KIFC3: variants seen among roughly 807,000 people sequenced by gnomAD.
KIFC3 encodes the protein kinesin family member C3, also known as kinesin-like protein KIFC3.
Under a neutral mutation model 101.8 loss-of-function variants are expected in KIFC3, and 60 were observed. That is an observed-to-expected ratio of 0.59 (90% CI 0.48 to 0.73). The LOEUF (loss-of-function observed/expected upper bound fraction) is 0.73. KIFC3 is among the 30% of genes least tolerant of loss of function. KIFC3 has a pLI of 0.00. For missense variants in KIFC3, 966 were observed against 1,137.1 expected (o/e 0.85, Z 2.16); for synonymous variants, 476 against 482.7 (o/e 0.99, Z 0.18).
intron 1 of KIFC3, among the ~76,000 whole-genome samples, chr16:57,854,219 G>T (rs1376742734): frequency 2.0e-5 from 3 of 152,148 alleles, no homozygotes; most frequent in Admixed American, 6.6e-5. Context: ...TGGGATTACA[G>T]GTGTGAGCCA....
intron 1 of KIFC3, among the ~76,000 whole-genome samples, chr16:57,854,641 A>AG (rs1290540961): frequency 2.1e-4 from 32 of 151,316 alleles, no homozygotes; most frequent in African/African-American, 6.5e-4. Context: ...AAAAAAAAAA[A>AG]AAAGAAAGAA....
chr16:57,794,980 G>A lies in KIFC3; in HGVS notation c.315+19C>T. 2.0e-6 allele frequency: 3 copies of A among 1,534,210 alleles called. No individual in the cohort carries two copies. Among genetic ancestry groups the A allele is most frequent in the African/African-American group, 1.4e-5 (1 of 69,722 alleles). On this transcript the variant is annotated intron_variant, in intron 3 of 19. Coordinates refer to ENST00000445690, the MANE Select transcript of KIFC3 (RefSeq NM_001130100.2). ...CAGAGAGCCAAGGCACATGCAGCCTGGAAGGCCCCAGTGCTTACCTGCAGG... is the reference window on the plus strand; with the variant it reads ...CAGAGAGCCAAGGCACATGCAGCCTAGAAGGCCCCAGTGCTTACCTGCAGG...
At chr16:57,776,577 G>A (rs376144028) in intron 3 of KIFC3, 177 of 222,426 alleles carry the variant, frequency 8.0e-4, no homozygotes, top group Non-Finnish European at 1.1e-3. Flanking sequence ...AAGCTGTCTC[G>A]AGGATTAAAC....
intron 1 of KIFC3, among the ~76,000 whole-genome samples, chr16:57,851,840 C>T (rs1248086438): frequency 2.7e-5 from 4 of 146,092 alleles, no homozygotes; most frequent in South Asian, 2.2e-4. Flanking sequence ...CCCAGGTTCA[C>T]GCGATTCTCC....
At chr16:57,814,687 G>A (rs1555628407) in intron 1 of KIFC3, among the ~76,000 whole-genome samples, 1 of 151,610 alleles carries the variant, frequency 6.6e-6, no homozygotes, top group Non-Finnish European at 1.5e-5. Flanking sequence ...GTGCAGTGGT[G>A]CGATCTCAGC....
rs558829716 is a variant in KIFC3, at chr16:57,785,146, T to C, written c.315+9853A>G. 3.3e-5 allele frequency among the ~76,000 whole-genome samples: 5 copies of C among 152,292 alleles called. No individual in the cohort carries two copies. The South Asian group carries it at 1.0e-3, about 32-fold the overall frequency. Reference sequence around the variant, plus strand: ...TCAGGGTGGGAAGCACCCCGCACCTTCCTGCTCCACTCACATCTACGTCAC... The same window carrying C: ...TCAGGGTGGGAAGCACCCCGCACCTCCCTGCTCCACTCACATCTACGTCAC... On this transcript the variant is annotated intron_variant, in intron 3 of 19. Coordinates refer to ENST00000445690, the MANE Select transcript of KIFC3 (RefSeq NM_001130100.2).
chr16:57,801,830 G>C (rs1555625606), intron 1 of KIFC3, among the ~76,000 whole-genome samples: 2 of 152,258 alleles, frequency 1.3e-5, no homozygotes, highest in African/African-American at 4.8e-5. Flanking sequence ...TCCCTGCTGA[G>C]ACCCTCACAA....
In KIFC3 at chr16:57,778,915, T is replaced by G. The variant is rs139851190; in HGVS notation, c.316-6627A>C. ...GCGAGACCTCATCTCTACAAATAAA[T>G]AAAGAAAATGAAAAACAAGTGCTGA... On this transcript the variant is annotated intron_variant, in intron 3 of 19. Transcript: ENST00000445690. 4.1e-4 allele frequency among the ~76,000 whole-genome samples: 63 copies of G among 151,908 alleles called. 1 individual carries two copies. Among genetic ancestry groups the G allele is most frequent in the Non-Finnish European group, 7.2e-4 (49 of 67,962 alleles).
intron 1 of KIFC3, among the ~76,000 whole-genome samples, chr16:57,801,780 T>C (rs1170479429): frequency 6.6e-6 from 1 of 152,240 alleles, no homozygotes; most frequent in Non-Finnish European, 1.5e-5. Context: ...CTGCTCTAAC[T>C]AGCAATGCTG....
chr16:57,772,155 C>G (rs1242897051), intron 4 of KIFC3, 68 bp downstream of exon 4: 6 of 1,394,620 alleles, frequency 4.3e-6, no homozygotes, highest in Non-Finnish European at 6.0e-6. Context: ...ACCCCTGCCC[C>G]TGGCAGGGCC....
rs181564429 is a variant in KIFC3 at position 57,783,323 on chromosome 16, T to C, written c.316-11035A>G. 3.3e-5 allele frequency among the ~76,000 whole-genome samples: 5 copies of C among 152,244 alleles called. No individual in the cohort carries two copies. The East Asian group carries it at 7.7e-4, about 23-fold the overall frequency. ...TGGGGAGTGACCATCAATAGGCCTG[T>C]TGGAGTGATGAAGACGTTTGGCAAT... On this transcript the variant is annotated intron_variant, in intron 3 of 19. Coordinates refer to ENST00000445690, the MANE Select transcript of KIFC3 (RefSeq NM_001130100.2).
chr16:57,821,657 C>G (rs1477436653), intron 1 of KIFC3, among the ~76,000 whole-genome samples: 2 of 152,148 alleles, frequency 1.3e-5, no homozygotes, highest in Non-Finnish European at 2.9e-5. Flanking sequence ...CTTATCTCTA[C>G]TGGTACATAT....
At chr16:57,773,623 C>A (rs899486149) in intron 3 of KIFC3, among the ~76,000 whole-genome samples, 3 of 152,022 alleles carry the variant, frequency 2.0e-5, no homozygotes, top group African/African-American at 7.3e-5. Context: ...TCACTGTACC[C>A]CAGGGTGACA....
intron 1 of KIFC3, among the ~76,000 whole-genome samples, chr16:57,847,809 C>T (rs1379857543): frequency 1.8e-5 from 2 of 112,844 alleles, no homozygotes; most frequent in African/African-American, 3.3e-5. Context: ...TGTGTGAGAC[C>T]GAGTCTCACT....
chr16:57,852,784 A>C (rs1347126937), intron 1 of KIFC3, among the ~76,000 whole-genome samples: 1 of 152,168 alleles, frequency 6.6e-6, no homozygotes, highest in Non-Finnish European at 1.5e-5. Flanking sequence ...AAACTAGGGG[A>C]GACTAAAGGA....
chr16:57,821,678 G>A (rs2055352902), intron 1 of KIFC3, among the ~76,000 whole-genome samples: 1 of 152,154 alleles, frequency 6.6e-6, no homozygotes. Context: ...TCGGGGAGGG[G>A]TGCTATTATA....
At position 57,769,476 on chromosome 16, in the gene KIFC3, G is replaced by T; in HGVS notation, c.1218+119C>A. 7.8e-7 allele frequency: 1 copy of T among 1,280,278 alleles called. No individual in the cohort carries two copies. The highest frequency in any genetic ancestry group is 1.1e-6 in the Non-Finnish European group (1 of 934,366). 79.3% of individuals were successfully genotyped at this position (1,280,278 alleles called of 1,614,324 possible). On this transcript the variant is annotated intron_variant, in intron 9 of 19. Transcript: ENST00000445690. The surrounding 1 kb of genome is among the most constrained non-coding windows in gnomAD (Gnocchi z 4.3). The stretch of plus-strand genomic sequence containing the variant: ...AGCAGTAAGTGTCATGGGGGGTGGG[G>T]CAGGGGCTGCTGTCTGAGCGGCTTT...
intron 3 of KIFC3, among the ~76,000 whole-genome samples, chr16:57,786,936 G>T (rs2053390770): frequency 6.6e-6 from 1 of 152,200 alleles, no homozygotes; most frequent in South Asian, 2.1e-4. Context: ...GGAGGGGCAC[G>T]CACAGGTCGG....
Position 57,771,235 on chromosome 16 carries a change from G to A in KIFC3, c.728C>T (p.Thr243Ile), listed in dbSNP as rs782202149. 8.1e-6 allele frequency: 13 copies of A among 1,613,048 alleles called. No individual in the cohort carries two copies. Among genetic ancestry groups the A allele is most frequent in the Middle Eastern group, 1.7e-4 (1 of 5,874 alleles). The stretch of plus-strand genomic sequence containing the variant: ...GGACTGGGCCCGCAGGCTGGCAATG[G>A]TCTCGTGGCTGTCACGCAGGCGCCG... ...LSRRLRDSHE[T>I]IASLRAQSPP... The change falls in exon 6 of 20, where the codon ACC becomes ATC. Residue 243 changes from threonine to isoleucine, a missense_variant. Transcript: ENST00000445690.
Sources: gnomAD v4.1 joint callset for allele counts (sites outside exome capture counted in the v4.1 genomes callset) on GRCh38, gnomAD v4.1.1 for gene constraint, Gnocchi (gnomAD v3.1) non-coding constraint, MANE v1.5 for transcripts, NCBI Gene and HGNC (gene_info 2026-07-23, HGNC 2026-07-21) for gene names.